The following DGKB variants were observed in gnomAD, a reference collection of about 807,000 sequenced individuals.
The protein encoded by DGKB is diacylglycerol kinase beta.
A neutral mutation model predicts 114.3 loss-of-function variants in DGKB; 67 were observed. The ratio of observed to expected loss-of-function variants is 0.59; its 90% confidence interval spans 0.48 to 0.72. The LOEUF (loss-of-function observed/expected upper bound fraction) is 0.72, where lower values mean the gene tolerates loss of function less well. Ranked by LOEUF, DGKB falls within the 30% of genes least tolerant of loss-of-function variation. DGKB has a pLI of 0.00. For missense variants in DGKB, 907 were observed against 975.2 expected (o/e 0.93, Z 0.93); for synonymous variants, 398 against 323.1 (o/e 1.23, Z -2.49).
intron 4 of DGKB, among the ~76,000 whole-genome samples, chr7:14,753,390 A>G (rs564322292): frequency 6.6e-6 from 1 of 152,280 alleles, no homozygotes. Context: ...TAATTTACAA[A>G]ACAGATTTTC....
At chr7:14,834,477 T>C (rs917369361) in intron 2 of DGKB, among the ~76,000 whole-genome samples, 4 of 152,092 alleles carry the variant, frequency 2.6e-5, no homozygotes, top group Non-Finnish European at 4.4e-5. Flanking sequence ...GCCAAAGAAA[T>C]ATTAGCGTAT....
At chr7:14,365,987 TA>T (rs1391044339) in intron 21 of DGKB, among the ~76,000 whole-genome samples, 1 of 152,094 alleles carries the variant, frequency 6.6e-6, no homozygotes, top group Non-Finnish European at 1.5e-5. Flanking sequence ...GAAATATGGC[TA>T]AAATTTCAGG....
At chr7:14,721,112 C>A (rs1829097023) in intron 5 of DGKB, among the ~76,000 whole-genome samples, 1 of 152,032 alleles carries the variant, frequency 6.6e-6, no homozygotes, top group Non-Finnish European at 1.5e-5. Context: ...TGATTTAACT[C>A]CTTTATAGAA....
intron 1 of DGKB, among the ~76,000 whole-genome samples, chr7:14,892,555 T>A (rs1051426899): frequency 6.6e-6 from 1 of 151,160 alleles, no homozygotes; most frequent in Admixed American, 6.6e-5. Context: ...ATTTACACAT[T>A]AAGGTAAATT....
chr7:14,433,382 G>A (rs1374731391), intron 21 of DGKB, among the ~76,000 whole-genome samples: 13 of 151,982 alleles, frequency 8.6e-5, no homozygotes, highest in Non-Finnish European at 1.9e-4. Context: ...TAATAAACTT[G>A]ACCAGAAATA....
chr7:14,285,555 T>C (rs1362252761), intron 23 of DGKB, among the ~76,000 whole-genome samples: 1 of 152,186 alleles, frequency 6.6e-6, no homozygotes, highest in Admixed American at 6.6e-5. Context: ...GCTGAAAGTC[T>C]CACAGACTAC....
At chr7:14,531,628 T>C (rs1791597124) in intron 20 of DGKB, among the ~76,000 whole-genome samples, 1 of 148,952 alleles carries the variant, frequency 6.7e-6, no homozygotes. Flanking sequence ...TTGTGAAAAA[T>C]AAATGTAATA....
intron 13 of DGKB, among the ~76,000 whole-genome samples, chr7:14,632,755 G>C (rs948687707): frequency 6.6e-6 from 1 of 151,814 alleles, no homozygotes; most frequent in East Asian, 1.9e-4. Flanking sequence ...ATAGAGGTAA[G>C]TTTCTAGGCT....
intron 20 of DGKB, among the ~76,000 whole-genome samples, chr7:14,525,818 T>C (rs1464546856): frequency 6.6e-6 from 1 of 152,170 alleles, no homozygotes; most frequent in Non-Finnish European, 1.5e-5. Context: ...TATTTTCCAG[T>C]ACTTATTAAT....
At chr7:14,960,057 G>A (rs920336732) in intron 1 of DGKB, among the ~76,000 whole-genome samples, 2 of 151,940 alleles carry the variant, frequency 1.3e-5, no homozygotes. Context: ...TAAGAACACA[G>A]GCATGAGATA....
intron 20 of DGKB, among the ~76,000 whole-genome samples, chr7:14,556,234 T>C (rs1795850266): frequency 6.6e-6 from 1 of 152,152 alleles, no homozygotes; most frequent in Non-Finnish European, 1.5e-5. Context: ...CCTTGGCATA[T>C]TTTTAGTTTT....
chr7:14,803,207 G>T (rs1842399493), intron 2 of DGKB, among the ~76,000 whole-genome samples: 1 of 152,028 alleles, frequency 6.6e-6, no homozygotes. Flanking sequence ...CTCTGGAGCA[G>T]TTGAGCTTAT....
intron 23 of DGKB, among the ~76,000 whole-genome samples, chr7:14,257,700 G>T (rs1038228814): frequency 1.3e-5 from 2 of 152,024 alleles, no homozygotes; most frequent in African/African-American, 4.8e-5. Context: ...CCACAGCCAC[G>T]TGGAACTATG....
intron 5 of DGKB, among the ~76,000 whole-genome samples, chr7:14,731,360 C>A (rs182823783): frequency 6.6e-6 from 1 of 151,856 alleles, no homozygotes; most frequent in African/African-American, 2.4e-5. Context: ...AATTGAGGTA[C>A]GTTATGTCTG....
At chr7:14,447,011 C>T (rs1023169636) in intron 21 of DGKB, among the ~76,000 whole-genome samples, 7 of 152,132 alleles carry the variant, frequency 4.6e-5, no homozygotes, top group African/African-American at 1.7e-4. Flanking sequence ...AATAAATTAA[C>T]TATGTTTCCT....
At chr7:14,894,782 T>G (rs926818284) in intron 1 of DGKB, among the ~76,000 whole-genome samples, 2 of 151,580 alleles carry the variant, frequency 1.3e-5, no homozygotes, top group Non-Finnish European at 1.5e-5. Flanking sequence ...CACTTCACTT[T>G]CAGAATATGT....
chr7:14,920,706 A>G (rs1784471683), intron 1 of DGKB, among the ~76,000 whole-genome samples: 1 of 152,208 alleles, frequency 6.6e-6, no homozygotes, highest in Non-Finnish European at 1.5e-5. Context: ...GAATGTTTAT[A>G]GCAGCTTTAT....
chr7:14,602,478 T>C (rs1379039278), intron 17 of DGKB, among the ~76,000 whole-genome samples: 1 of 152,018 alleles, frequency 6.6e-6, no homozygotes, highest in Non-Finnish European at 1.5e-5. Context: ...TATTGGGAGG[T>C]GGGGTACTGA....
chr7:14,709,202 G>A (rs1390350031), intron 6 of DGKB, among the ~76,000 whole-genome samples: 7 of 152,168 alleles, frequency 4.6e-5, no homozygotes, highest in Non-Finnish European at 1.0e-4. Flanking sequence ...GCAGCCAACA[G>A]GCACATGAAA....
Sources: gnomAD v4.1 joint callset for allele counts (sites outside exome capture counted in the v4.1 genomes callset) on GRCh38, gnomAD v4.1.1 for gene constraint, MANE v1.5 for transcripts, NCBI Gene and HGNC (gene_info 2026-07-23, HGNC 2026-07-21) for gene names.